ZMIZ1: variants seen among roughly 807,000 people sequenced by gnomAD.
The protein encoded by ZMIZ1 is zinc finger MIZ-type containing 1.
A neutral mutation model predicts 113.9 loss-of-function variants in ZMIZ1; 17 were observed. That is an observed-to-expected ratio of 0.15 (90% CI 0.10 to 0.22). The LOEUF is 0.22. ZMIZ1 is among the 10% of genes least tolerant of loss of function. ZMIZ1 has a pLI of 1.00. For missense variants in ZMIZ1, 1,059 were observed against 1,477.8 expected (o/e 0.72, Z 4.65); for synonymous variants, 607 against 603.1 (o/e 1.01, Z -0.09).
intron 2 of ZMIZ1, among the ~76,000 whole-genome samples, chr10:79,131,667 TC>T (rs1220128697): frequency 6.6e-6 from 1 of 151,846 alleles, no homozygotes; most frequent in African/African-American, 2.4e-5. Flanking sequence ...CCCTGTGCTG[TC>T]CCCCTCATTC....
intron 8 of ZMIZ1, 131 bp from the exon 9 acceptor site, chr10:79,289,644 C>CA: frequency 1.3e-6 from 1 of 753,976 alleles, no homozygotes; most frequent in Non-Finnish European, 2.2e-6. Context: ...CTGGGGGGTC[C>CA]AGTACCGACT....
At chr10:79,301,350 C>G (rs1260340037) in intron 17 of ZMIZ1, among the ~76,000 whole-genome samples, 1 of 152,094 alleles carries the variant, frequency 6.6e-6, no homozygotes, top group African/African-American at 2.4e-5. Context: ...CCAGACCCAA[C>G]GCCCCCAAAC....
intron 4 of ZMIZ1, among the ~76,000 whole-genome samples, chr10:79,182,211 C>A (rs571937059): frequency 8.1e-4 from 124 of 152,346 alleles, no homozygotes; most frequent in Admixed American, 2.2e-3. Context: ...CGCCCAAGCT[C>A]ATTTTTCAGA....
intron 1 of ZMIZ1, among the ~76,000 whole-genome samples, chr10:79,094,194 C>T (rs145959571): frequency 5.3e-5 from 8 of 152,310 alleles, no homozygotes; most frequent in South Asian, 2.1e-4. Context: ...CTGGCTTCCT[C>T]GGCACAAGCG....
chr10:79,314,950 C>T lies in ZMIZ1; in HGVS notation c.*2201C>T, dbSNP rs1048039335. On this transcript the variant is annotated 3_prime_UTR_variant, in exon 25 of 25. Transcript: ENST00000334512. ...CTTACAGATGCCTTCCTTAGGAGTT[C>T]TTGCTTCTTGCGTTGATACTTTGCC... 2 of 152,720 alleles carry T rather than the reference C, an allele frequency of 1.3e-5. No homozygotes were observed. The highest frequency in any genetic ancestry group is 4.8e-5 in the African/African-American group (2 of 41,454). The allele number at this position is 152,720 out of a possible 1,614,324, so 9.5% of individuals were successfully genotyped here. A position where few individuals can be genotyped will look rare whatever the true frequency, so the allele number is the denominator to read the frequency against.
At position 79,307,474 on chromosome 10, in the gene ZMIZ1, A is replaced by G. The variant is rs1854790175; in HGVS notation, c.2738A>G (p.Asp913Gly). The G allele has an allele frequency of 6.2e-7, 1 of 1,610,346 alleles. No homozygotes were observed. Residue 913 changes from aspartate to glycine, a missense_variant, in exon 23 of 25, where the codon GAC becomes GGC. By Grantham distance (94) the Asp-to-Gly change is moderately conservative. Coordinates refer to ENST00000334512, the MANE Select transcript of ZMIZ1 (RefSeq NM_020338.4). ...AACCCTGGAGGGACATCCATGAATG[A>G]CTTCATGCACGGGCCCCCCCAGCTC... ...HGNPGGTSMNDFMHGPPQLSH... is the reference protein window; with the variant it reads ...HGNPGGTSMNGFMHGPPQLSH...
chr10:79,241,205 C>T (rs902965388), intron 7 of ZMIZ1, among the ~76,000 whole-genome samples: 15 of 152,158 alleles, frequency 9.9e-5, no homozygotes, highest in African/African-American at 2.2e-4. Context: ...TCTCTTGGAA[C>T]ACGTGAGCCA....
chr10:79,234,160 T>C (rs1849501841), intron 7 of ZMIZ1, among the ~76,000 whole-genome samples: 1 of 152,064 alleles, frequency 6.6e-6, no homozygotes. Context: ...CCTCAGCAGG[T>C]AGAGGAGGGA....
chr10:79,208,245 A>G (rs889055057), intron 5 of ZMIZ1, 91 bp from the exon 6 acceptor site: 2 of 1,064,574 alleles, frequency 1.9e-6, no homozygotes, highest in Middle Eastern at 2.0e-4. Context: ...CTCCCCAGTG[A>G]GGCTGGGTTC....
chr10:79,138,240 G>C (rs953621729), intron 2 of ZMIZ1, among the ~76,000 whole-genome samples: 1 of 152,242 alleles, frequency 6.6e-6, no homozygotes, highest in African/African-American at 2.4e-5. Flanking sequence ...AGGCCCCCAG[G>C]AGCCCACAGG....
intron 2 of ZMIZ1, among the ~76,000 whole-genome samples, chr10:79,123,700 A>C (rs1333289026): frequency 6.6e-6 from 1 of 152,002 alleles, no homozygotes; most frequent in Non-Finnish European, 1.5e-5. Context: ...TGAGGGCTGC[A>C]CTCTCCTCGC....
chr10:79,146,113 G>A (rs1042477395), intron 3 of ZMIZ1, among the ~76,000 whole-genome samples: 10 of 152,146 alleles, frequency 6.6e-5, no homozygotes, highest in Admixed American at 5.9e-4. Context: ...GGTCAGGCCT[G>A]AGGCCAGGGA....
At chr10:79,283,338 C>T (rs1852858387) in intron 8 of ZMIZ1, among the ~76,000 whole-genome samples, 1 of 152,196 alleles carries the variant, frequency 6.6e-6, no homozygotes, top group Non-Finnish European at 1.5e-5. Flanking sequence ...TGGCCAGTTA[C>T]TTACCCTCCT....
Position 79,306,339 on chromosome 10 carries a change from G to A in ZMIZ1, c.2663G>A (p.Ser888Asn), listed in dbSNP as rs897916177. 4 of 1,608,956 alleles carry A rather than the reference G, an allele frequency of 2.5e-6. No homozygotes were observed. The Admixed American group carries it at 6.7e-5, about 27-fold the overall frequency. ...GGCACCAACTCCAACGACTACAGCAGCCAAGGTGGGTGATGCCAGGCAGGG... is the reference window on the plus strand; with the variant it reads ...GGCACCAACTCCAACGACTACAGCAACCAAGGTGGGTGATGCCAGGCAGGG... ...PGGTNSNDYSSQGNNYQGHGN... is the reference protein window; with the variant it reads ...PGGTNSNDYSNQGNNYQGHGN... Residue 888 changes from serine to asparagine, a missense_variant, in exon 22 of 25, where the codon AGC (serine) becomes AAC (asparagine). Ser to Asn is a conservative substitution (Grantham distance 46). Around this residue, in one of 6 missense-constraint regions of ZMIZ1, gnomAD observed 225 missense variants for 276.0 expected, o/e 0.82. Coordinates refer to ENST00000334512, the MANE Select transcript of ZMIZ1 (RefSeq NM_020338.4).
chr10:79,249,993 A>C (rs538113991), intron 7 of ZMIZ1, among the ~76,000 whole-genome samples: 1 of 152,240 alleles, frequency 6.6e-6, no homozygotes, highest in Non-Finnish European at 1.5e-5. Flanking sequence ...TGATCAGTGC[A>C]GTAGAGCTAC....
intron 4 of ZMIZ1, among the ~76,000 whole-genome samples, chr10:79,178,486 T>C (rs1383310823): frequency 6.6e-6 from 1 of 152,126 alleles, no homozygotes; most frequent in African/African-American, 2.4e-5. Context: ...CCCTCACCAG[T>C]TGGAGCTGGA....
At chr10:79,248,322 A>T (rs1564549992) in intron 7 of ZMIZ1, among the ~76,000 whole-genome samples, 1 of 152,160 alleles carries the variant, frequency 6.6e-6, no homozygotes. Context: ...CTTGGAAACC[A>T]GGAGAGGTAT....
intron 1 of ZMIZ1, among the ~76,000 whole-genome samples, chr10:79,106,363 A>G (rs1430959928): frequency 6.6e-6 from 1 of 152,218 alleles, no homozygotes; most frequent in African/African-American, 2.4e-5. Flanking sequence ...GGAGTGCTAT[A>G]CAGAATAGCA....
intron 2 of ZMIZ1, among the ~76,000 whole-genome samples, chr10:79,121,047 A>G (rs1844267867): frequency 6.6e-6 from 1 of 152,222 alleles, no homozygotes; most frequent in Non-Finnish European, 1.5e-5. Flanking sequence ...AGAAGGCCTT[A>G]CCAAGCAATT....
Sources: allele counts gnomAD v4.1 joint callset (sites outside exome capture counted in the v4.1 genomes callset), GRCh38; gene constraint gnomAD v4.1.1; regional missense constraint gnomAD v4.1.1; transcripts MANE v1.5; gene names NCBI Gene and HGNC (gene_info 2026-07-23, HGNC 2026-07-21).